ST6GALNAC5: variants seen among roughly 807,000 people sequenced by gnomAD.
ST6GALNAC5 encodes alpha-N-acetylgalactosaminide alpha-2,6-sialyltransferase 5.
In ST6GALNAC5, 27 loss-of-function variants were observed where a neutral mutation model predicts 33.6. The observed-to-expected ratio is 0.80, with a 90% CI of 0.59 to 1.11. The LOEUF (loss-of-function observed/expected upper bound fraction) is 1.11, where lower values mean the gene tolerates loss of function less well. ST6GALNAC5 is among the 50% of genes least tolerant of loss of function. The pLI, the probability that ST6GALNAC5 is intolerant of heterozygous loss-of-function variation, is 0.00. For missense variants in ST6GALNAC5, 428 were observed against 454.0 expected (o/e 0.94, Z 0.52); for synonymous variants, 194 against 171.2 (o/e 1.13, Z -1.04).
At chr1:76,927,326 A>G (rs1175675075) in intron 2 of ST6GALNAC5, among the ~76,000 whole-genome samples, 1 of 152,108 alleles carries the variant, frequency 6.6e-6, no homozygotes, top group Non-Finnish European at 1.5e-5. Flanking sequence ...CATTGGCTAT[A>G]TTGATATTTC....
At chr1:76,990,025 A>C (rs1323837710) in intron 2 of ST6GALNAC5, among the ~76,000 whole-genome samples, 2 of 152,198 alleles carry the variant, frequency 1.3e-5, no homozygotes, top group Non-Finnish European at 2.9e-5. Flanking sequence ...AAAGTATTTT[A>C]AGATTTAGGA....
At chr1:76,884,781 A>G (rs189759614) in intron 2 of ST6GALNAC5, among the ~76,000 whole-genome samples, 3 of 152,298 alleles carry the variant, frequency 2.0e-5, no homozygotes, top group Non-Finnish European at 4.4e-5. Context: ...GAGATATTAC[A>G]TTTGAATATG....
intron 2 of ST6GALNAC5, among the ~76,000 whole-genome samples, chr1:77,039,574 G>T (rs1010358640): frequency 1.3e-5 from 2 of 152,176 alleles, no homozygotes; most frequent in African/African-American, 4.8e-5. Context: ...TTTCTCAGAG[G>T]ATAGATAAGG....
At chr1:76,892,444 A>G (rs1654034231) in intron 2 of ST6GALNAC5, among the ~76,000 whole-genome samples, 1 of 152,210 alleles carries the variant, frequency 6.6e-6, no homozygotes, top group South Asian at 2.1e-4. Context: ...TAAACAGCAA[A>G]GATAAATGTG....
intron 2 of ST6GALNAC5, among the ~76,000 whole-genome samples, chr1:76,975,600 T>C (rs1315421701): frequency 6.6e-6 from 1 of 152,196 alleles, no homozygotes; most frequent in Non-Finnish European, 1.5e-5. Context: ...ATTATAAACA[T>C]ATGTAGCAAG....
chr1:76,966,736 G>A (rs983876904), intron 2 of ST6GALNAC5, among the ~76,000 whole-genome samples: 13 of 152,248 alleles, frequency 8.5e-5, no homozygotes, highest in Admixed American at 7.2e-4. Context: ...CTGTGGGTTT[G>A]TCATAAATAG....
intron 2 of ST6GALNAC5, among the ~76,000 whole-genome samples, chr1:76,894,300 G>A (rs1654076580): frequency 6.6e-6 from 1 of 152,158 alleles, no homozygotes; most frequent in Admixed American, 6.5e-5. Context: ...CTGACCTTGT[G>A]TTGACCCAGA....
Position 77,044,399 on chromosome 1 carries a change from C to T in ST6GALNAC5, c.457C>T (p.Leu153Phe). The change falls in exon 3 of 5, where the codon CTC becomes TTC. Residue 153 changes from leucine (L) to phenylalanine (F), a missense_variant. Physicochemically the swap from Leu to Phe is conservative, Grantham distance 22 (BLOSUM62 0). Transcript: ENST00000477717. ...VIAHSSIQRI[L>F]RNRHDLLNVS... is the part of the protein sequence containing the mutation. ...CGCGCATTCCAGCATCCAGAGGATCCTCCGCAACCGCCATGACCTGCTCAA... is the reference window on the plus strand; with the variant it reads ...CGCGCATTCCAGCATCCAGAGGATCTTCCGCAACCGCCATGACCTGCTCAA... The T allele has an allele frequency of 6.2e-7, 1 of 1,613,098 alleles. No individual in the cohort carries two copies. Among genetic ancestry groups the T allele is most frequent in the Non-Finnish European group, 8.5e-7 (1 of 1,179,370 alleles).
chr1:77,022,851 G>C (rs539963347), intron 2 of ST6GALNAC5, among the ~76,000 whole-genome samples: 1 of 152,250 alleles, frequency 6.6e-6, no homozygotes, highest in East Asian at 1.9e-4. Flanking sequence ...TCTACCATCT[G>C]TGTTCTTTAT....
intron 2 of ST6GALNAC5, among the ~76,000 whole-genome samples, chr1:77,038,560 C>T (rs536171365): frequency 3.3e-5 from 5 of 152,328 alleles, no homozygotes; most frequent in East Asian, 1.9e-4. Flanking sequence ...ATTTTAAAAA[C>T]GGAAGCCTGA....
At chr1:76,956,305 T>C (rs988455763) in intron 2 of ST6GALNAC5, among the ~76,000 whole-genome samples, 1 of 151,152 alleles carries the variant, frequency 6.6e-6, no homozygotes. Context: ...AAAGCATAGG[T>C]AAGAGCCATA....
intron 2 of ST6GALNAC5, among the ~76,000 whole-genome samples, chr1:76,994,919 C>T (rs1649868020): frequency 6.6e-6 from 1 of 152,130 alleles, no homozygotes; most frequent in South Asian, 2.1e-4. Flanking sequence ...GCTCAAACAC[C>T]AACCTCTTTC....
intron 2 of ST6GALNAC5, among the ~76,000 whole-genome samples, chr1:77,028,776 G>A (rs1651342118): frequency 6.6e-6 from 1 of 152,126 alleles, no homozygotes; most frequent in African/African-American, 2.4e-5. Context: ...TATAGGTGAG[G>A]GAACTAAGAC....
At chr1:76,984,950 C>T (rs559613589) in intron 2 of ST6GALNAC5, among the ~76,000 whole-genome samples, 33 of 152,158 alleles carry the variant, frequency 2.2e-4, no homozygotes, top group African/African-American at 3.4e-4. Flanking sequence ...AAAAGGCCTT[C>T]GGCAAAATTC....
chr1:76,936,504 G>A (rs990307389), intron 2 of ST6GALNAC5, among the ~76,000 whole-genome samples: 13 of 152,030 alleles, frequency 8.6e-5, no homozygotes, highest in African/African-American at 3.1e-4. Flanking sequence ...ATAATGGCCA[G>A]TGTGAATGAG....
chr1:76,905,285 G>A (rs1018832801), intron 2 of ST6GALNAC5, among the ~76,000 whole-genome samples: 4 of 152,088 alleles, frequency 2.6e-5, no homozygotes, highest in Non-Finnish European at 1.5e-5. Flanking sequence ...ATTATTTCCT[G>A]GGCATGGAAA....
intron 3 of ST6GALNAC5, among the ~76,000 whole-genome samples, chr1:77,049,019 G>A (rs1003210281): frequency 6.6e-6 from 1 of 152,112 alleles, no homozygotes; most frequent in African/African-American, 2.4e-5. Context: ...ATGGAATAGG[G>A]GAATGAATGA....
At chr1:76,904,993 G>T (rs539051423) in intron 2 of ST6GALNAC5, among the ~76,000 whole-genome samples, 50 of 152,274 alleles carry the variant, frequency 3.3e-4, no homozygotes, top group African/African-American at 1.2e-3. Flanking sequence ...TTGGGGTGTT[G>T]ACAGTGTTCT....
intron 2 of ST6GALNAC5, among the ~76,000 whole-genome samples, chr1:76,889,084 TAA>T (rs1653959395): frequency 6.6e-6 from 1 of 152,134 alleles, no homozygotes; most frequent in African/African-American, 2.4e-5. Flanking sequence ...ATCCCTCTGG[TAA>T]CCATCATTCT....
Sources: allele counts gnomAD v4.1 joint callset (sites outside exome capture counted in the v4.1 genomes callset), GRCh38; gene constraint gnomAD v4.1.1; transcripts MANE v1.5; gene names NCBI Gene and HGNC (gene_info 2026-07-23, HGNC 2026-07-21).